Variants in TMEM232 observed in about 807,000 individuals in gnomAD.
The protein encoded by TMEM232 is transmembrane protein 232.
TMEM232 carries 80 observed loss-of-function variants against 78.8 expected under a neutral mutation model. That is an observed-to-expected ratio of 1.01 (90% CI 0.85 to 1.22). TMEM232 has a LOEUF of 1.22. TMEM232 is among the 50% of genes most tolerant of loss of function. The pLI is 0.00. For synonymous variants in TMEM232, 297 were observed against 254.3 expected (o/e 1.17, Z -1.60); for missense variants, 881 against 742.2 (o/e 1.19, Z -2.17).
At chr5:110,497,241 C>T (rs1765746040) in intron 12 of TMEM232, among the ~76,000 whole-genome samples, 1 of 152,090 alleles carries the variant, frequency 6.6e-6, no homozygotes, top group Non-Finnish European at 1.5e-5. Flanking sequence ...AACTGAAGCA[C>T]ACCTCAGTAT....
chr5:110,400,525 T>C (rs550346297), intron 2 of TMEM232, among the ~76,000 whole-genome samples: 55 of 152,058 alleles, frequency 3.6e-4, no homozygotes, highest in Admixed American at 6.6e-4. Context: ...ATTAAAAAAA[T>C]ATAAGACATA....
intron 10 of TMEM232, among the ~76,000 whole-genome samples, chr5:110,588,346 T>C (rs1158571632): frequency 1.3e-5 from 2 of 152,176 alleles, no homozygotes; most frequent in South Asian, 4.1e-4. Flanking sequence ...TTGGGTCCTA[T>C]GCACATGTCT....
chr5:110,667,014 C>G (rs953654630), intron 2 of TMEM232: 10 of 398,068 alleles, frequency 2.5e-5, no homozygotes, highest in African/African-American at 1.5e-4. Context: ...ATTAAGAAAA[C>G]ATATGAGTAT....
chr5:110,505,186 T>A (rs1766726570), intron 12 of TMEM232, among the ~76,000 whole-genome samples: 1 of 152,186 alleles, frequency 6.6e-6, no homozygotes, highest in Non-Finnish European at 1.5e-5. Flanking sequence ...CAGTTAAACT[T>A]GTGAAATCTT....
chr5:110,610,501 A>G (rs1782122768), intron 8 of TMEM232: 3 of 455,394 alleles, frequency 6.6e-6, no homozygotes, highest in Non-Finnish European at 1.3e-5. Flanking sequence ...TCAATACAAG[A>G]CCTTGAAAAA....
chr5:110,606,589 G>A (rs1781568756), intron 8 of TMEM232, among the ~76,000 whole-genome samples: 1 of 151,866 alleles, frequency 6.6e-6, no homozygotes, highest in Non-Finnish European at 1.5e-5. Context: ...TCTGGTTCTA[G>A]AGTACCCCCA....
intron 1 of TMEM232, among the ~76,000 whole-genome samples, chr5:110,703,493 C>T (rs147072915): frequency 3.5e-4 from 54 of 152,140 alleles, no homozygotes; most frequent in African/African-American, 1.2e-3. Context: ...AGCCTTTTCA[C>T]GGATCTCAAG....
At chr5:110,552,779 G>A (rs910044126) in intron 11 of TMEM232, among the ~76,000 whole-genome samples, 2 of 151,652 alleles carry the variant, frequency 1.3e-5, no homozygotes, top group Non-Finnish European at 2.9e-5. Context: ...ACATAATTAA[G>A]AGAATGAAAA....
chr5:110,392,714 G>T (rs1323192870), intron 3 of TMEM232, among the ~76,000 whole-genome samples: 2 of 152,082 alleles, frequency 1.3e-5, no homozygotes, highest in Non-Finnish European at 1.5e-5. Flanking sequence ...TCTCCCAAAG[G>T]TTCCACCTCC....
chr5:110,594,515 A>T (rs1029004206), intron 10 of TMEM232, among the ~76,000 whole-genome samples: 20 of 152,170 alleles, frequency 1.3e-4, no homozygotes, highest in Non-Finnish European at 7.4e-5. Flanking sequence ...CTTGTTCAGC[A>T]GGTCCCACCT....
intron 12 of TMEM232, among the ~76,000 whole-genome samples, chr5:110,465,265 T>C (rs1254649743): frequency 6.6e-6 from 1 of 152,246 alleles, no homozygotes; most frequent in Non-Finnish European, 1.5e-5. Flanking sequence ...GCTGAGGCTA[T>C]GTCCAGCTTT....
intron 1 of TMEM232, among the ~76,000 whole-genome samples, chr5:110,684,410 A>G (rs1793143211): frequency 1.3e-5 from 2 of 152,112 alleles, no homozygotes; most frequent in African/African-American, 2.4e-5. Context: ...GTGCCAGTAA[A>G]GATGGCTTTT....
At position 110,442,925 on chromosome 5, in the gene TMEM232, C is replaced by T. The variant is rs1580700180; in HGVS notation, c.1704-18009G>A. 2.6e-5 allele frequency among the ~76,000 whole-genome samples: 4 copies of T among 152,270 alleles called. No individual in the cohort carries two copies. In the South Asian group the frequency reaches 8.3e-4, roughly 32 times the overall value. The stretch of plus-strand genomic sequence containing the variant: ...TCTTGTCTTTTCTCCTTACTTTCTT[C>T]CCAACAAATGGAGGCTCTCTCTCTG... On this transcript the variant is annotated intron_variant, in intron 12 of 13. Transcript: ENST00000455884.
intron 4 of TMEM232, among the ~76,000 whole-genome samples, chr5:110,388,807 ATCG>A (rs1403447837): frequency 6.6e-6 from 1 of 152,240 alleles, no homozygotes; most frequent in Non-Finnish European, 1.5e-5. Flanking sequence ...TACATGCAGA[ATCG>A]GGGTGGGGGC....
intron 1 of TMEM232, among the ~76,000 whole-genome samples, chr5:110,687,217 C>A (rs1430689749): frequency 6.6e-6 from 1 of 152,070 alleles, no homozygotes; most frequent in African/African-American, 2.4e-5. Context: ...CCAGGTATAG[C>A]TAATCAACAC....
chr5:110,730,791 A>C (rs1265814295), upstream of TMEM232, among the ~76,000 whole-genome samples: 1 of 152,174 alleles, frequency 6.6e-6, no homozygotes, highest in African/African-American at 2.4e-5. Flanking sequence ...GATATAATTC[A>C]AGTTAAGATT....
At chr5:110,419,127 G>C (rs1360311305), downstream of TMEM232, among the ~76,000 whole-genome samples, 2 of 151,786 alleles carry the variant, frequency 1.3e-5, no homozygotes, top group African/African-American at 4.8e-5. Flanking sequence ...TTTTGGAAGA[G>C]AGAAGATTTG....
intron 12 of TMEM232, among the ~76,000 whole-genome samples, chr5:110,482,513 G>A (rs1302811143): frequency 4.6e-5 from 7 of 151,508 alleles, no homozygotes; most frequent in African/African-American, 1.7e-4. Context: ...CCCAGGAGGC[G>A]GATGTTGCAG....
intron 4 of TMEM232, among the ~76,000 whole-genome samples, chr5:110,638,600 C>T (rs76997988): frequency 0.013 from 1,987 of 152,240 alleles, 37 homozygotes; most frequent in African/African-American, 0.045. Context: ...CACTATGTGA[C>T]TTCTAAGACT....
Sources: allele counts gnomAD v4.1 joint callset (sites outside exome capture counted in the v4.1 genomes callset), GRCh38; gene constraint gnomAD v4.1.1; transcripts MANE v1.5; gene names NCBI Gene and HGNC (gene_info 2026-07-23, HGNC 2026-07-21).